The following NCOR2 variants were observed in gnomAD, a reference collection of about 807,000 sequenced individuals.
NCOR2 encodes the protein CTG repeat protein 26.
Under a neutral mutation model 262.9 loss-of-function variants are expected in NCOR2, and 81 were observed. The observed-to-expected ratio is 0.31, with a 90% CI of 0.26 to 0.37. The LOEUF is 0.37. NCOR2 is among the 10% of genes least tolerant of loss of function. NCOR2 has a pLI of 1.00. For synonymous variants in NCOR2, 1,659 were observed against 1,559.3 expected (o/e 1.06, Z -1.51); for missense variants, 3,385 against 3,621.4 (o/e 0.93, Z 1.68).
intron 45 of NCOR2, among the ~76,000 whole-genome samples, chr12:124,326,595 C>T (rs2034671074): frequency 6.6e-6 from 1 of 152,168 alleles, no homozygotes; most frequent in African/African-American, 2.4e-5. Flanking sequence ...TTCTGCTGGG[C>T]AGGGGGAGGT....
At chr12:124,370,916 C>T (rs1455725755) in intron 20 of NCOR2, among the ~76,000 whole-genome samples, 1 of 152,152 alleles carries the variant, frequency 6.6e-6, no homozygotes, top group African/African-American at 2.4e-5. Context: ...CACCTGTGAT[C>T]CTGAGCCCTG....
chr12:124,483,642 G>T lies in NCOR2; in HGVS notation c.365C>A (p.Pro122His). Residue 122 changes from proline (P) to histidine (H), a missense_variant, in exon 3 of 47, where the codon CCC (proline) becomes CAC (histidine). By Grantham distance (77) the Pro-to-His change is moderately conservative. Transcript: ENST00000405201. The surrounding 1 kb of genome is among the most constrained non-coding windows in gnomAD (Gnocchi z 6.3). ...CGCAGGCTGGCCCGTGGCCAGCAGG[G>T]GTGACGGTCGCAGCAGGGGGTCAGG... is the stretch of plus-strand genomic sequence containing the variant. The T allele has an allele frequency of 6.2e-7, 1 of 1,611,072 alleles. No individual in the cohort carries two copies. The highest frequency in any genetic ancestry group is 8.5e-7 in the Non-Finnish European group (1 of 1,178,894).
intron 6 of NCOR2, 32 bp from the exon 9 acceptor site, chr12:124,449,899 C>T: frequency 6.2e-7 from 1 of 1,609,478 alleles, no homozygotes; most frequent in Non-Finnish European, 8.5e-7. Flanking sequence ...CACATCAGAG[C>T]CTGGCTGGCC....
At position 124,340,457 on chromosome 12, in the gene NCOR2, A is replaced by G. The variant is rs1200237267; in HGVS notation, c.5339-14T>C. On this transcript the variant is annotated splice_polypyrimidine_tract_variant and intron_variant, in intron 35 of 46. Coordinates refer to ENST00000405201, the Ensembl canonical transcript of NCOR2. ...GTGTTGGACCTCCTAGGAAACCCAA[A>G]GGCCAGAGACTCAGCCCCAGGGCCG... is the stretch of plus-strand genomic sequence containing the variant. The G allele has an allele frequency of 5.0e-6, 8 of 1,610,432 alleles. No individual in the cohort carries two copies. In the Admixed American group the frequency reaches 1.0e-4, roughly 20 times the overall value.
In NCOR2 at chr12:124,468,839, C is replaced by CT. The variant is rs375493269; in HGVS notation, c.592-2554_592-2553insA. On this transcript the variant is annotated intron_variant, in intron 4 of 46. Transcript: ENST00000405201. ...CCCCATCATCCTCATCCTCATCACC[C>CT]CATCATCCTCATCCTCATCACCCCA... is the stretch of plus-strand genomic sequence containing the variant. Among the ~76,000 whole-genome samples, 98 of 19,928 alleles carry CT rather than the reference C, an allele frequency of 4.9e-3. 6 individuals are homozygous for CT. The highest frequency in any genetic ancestry group is 0.016 in the African/African-American group (91 of 5,600). The allele number at this position is 19,928 out of a possible 152,430, so 13.1% of individuals were successfully genotyped here.
At chr12:124,337,106 G>A (rs1204041058) in exon 38 of NCOR2, 4 of 1,507,976 alleles carry the variant, frequency 2.7e-6, no homozygotes, top group Non-Finnish European at 3.6e-6. Flanking sequence ...CCCATCGAGG[G>A]TGCCGCCCAG....
At position 124,359,791 on chromosome 12, in the gene NCOR2, C is replaced by T. The variant is rs369035072; in HGVS notation, c.3100+2335G>A. On this transcript the variant is annotated intron_variant, in intron 22 of 46. Coordinates refer to ENST00000405201, the Ensembl canonical transcript of NCOR2. ...TTCCTCCAGTTGGGCCCAGGGGGCC[C>T]CGAGGGACCTGCTTGGCTGAGCCGC... 5.3e-5 allele frequency among the ~76,000 whole-genome samples: 8 copies of T among 152,346 alleles called. No homozygotes were observed. In the South Asian group the frequency reaches 1.7e-3, roughly 32 times the overall value.
At chr12:124,436,041 T>TTACGCACGACCTGTCCC (rs1376090324) in intron 8 of NCOR2, among the ~76,000 whole-genome samples, 113 of 152,372 alleles carry the variant, frequency 7.4e-4, no homozygotes, top group African/African-American at 2.5e-3. Context: ...CTCCTCGTCC[T>TTACGCACGACCTGTCCC]TACGCACGAC....
intron 46 of NCOR2, 161 bp downstream of exon 48, chr12:124,326,030 G>T: frequency 3.9e-6 from 3 of 768,230 alleles, no homozygotes; most frequent in Non-Finnish European, 5.6e-6. Flanking sequence ...TGGTTCGTGA[G>T]CCAGGCTCAG....
At chr12:124,325,377 G>GCCGGGGGGCC in exon 47 of NCOR2, 1 of 246,788 alleles carries the variant, frequency 4.1e-6, no homozygotes. Context: ...ACCTGACACC[G>GCCGGGGGGCC]CCCCCCCCCC....
exon 32 of NCOR2, chr12:124,344,853 G>C (rs560814961): frequency 1.0e-5 from 16 of 1,571,480 alleles, no homozygotes; most frequent in African/African-American, 1.3e-5. Flanking sequence ...GCGGGTGCAC[G>C]GGTGGGAACG....
At position 124,443,892 on chromosome 12, in the gene NCOR2, C is replaced by T. The variant is rs12582041; in HGVS notation, c.816-5896G>A. The stretch of plus-strand genomic sequence containing the variant: ...AACCTAAAGCTTCTCTTGAAAACAT[C>T]AGGCCATCGGGCCACACCCCTTCAT... On this transcript the variant is annotated intron_variant, in intron 7 of 46. Coordinates refer to ENST00000405201, the Ensembl canonical transcript of NCOR2. The surrounding 1 kb of genome is among the most constrained non-coding windows in gnomAD (Gnocchi z 4.4). Among the ~76,000 whole-genome samples, 712 of 152,256 alleles carry T rather than the reference C, an allele frequency of 4.7e-3. 23 individuals carry two copies. The East Asian group carries it at 0.08, about 17-fold the overall frequency.
chr12:124,458,317 G>C (rs1423693974), intron 5 of NCOR2, among the ~76,000 whole-genome samples: 2 of 152,232 alleles, frequency 1.3e-5, no homozygotes, highest in Non-Finnish European at 2.9e-5. Flanking sequence ...GGCTGCAGCA[G>C]AGAGAGGAGG....
chr12:124,402,340 G>A, intron 14 of NCOR2, 64 bp downstream of exon 16: 1 of 1,601,622 alleles, frequency 6.2e-7, no homozygotes, highest in Middle Eastern at 1.8e-4. Context: ...GGGTCCCCCA[G>A]AACCGTGTGC....
exon 45 of NCOR2, chr12:124,327,450 G>T: frequency 6.2e-7 from 1 of 1,612,846 alleles, no homozygotes; most frequent in Non-Finnish European, 8.5e-7. Context: ...GTCAGCAGCG[G>T]TTATGGGCAT....
chr12:124,340,513 G>A, intron 35 of NCOR2, 70 bp from the exon 38 acceptor site: 2 of 1,573,232 alleles, frequency 1.3e-6, no homozygotes, highest in Admixed American at 1.8e-5. Flanking sequence ...TTCTGGGGTG[G>A]GAAAGAGAGC....
At chr12:124,343,519 A>G (rs1451019283) in intron 32 of NCOR2, among the ~76,000 whole-genome samples, 1 of 152,262 alleles carries the variant, frequency 6.6e-6, no homozygotes, top group Non-Finnish European at 1.5e-5. Flanking sequence ...TGAACGAAAC[A>G]GAAATCCCAG....
chr12:124,423,708 G>A (rs965319202), intron 11 of NCOR2, among the ~76,000 whole-genome samples: 3 of 152,186 alleles, frequency 2.0e-5, no homozygotes, highest in Non-Finnish European at 2.9e-5. Flanking sequence ...AGGCACAGTG[G>A]GGGCTCCCAA....
intron 1 of NCOR2, among the ~76,000 whole-genome samples, chr12:124,502,032 C>T (rs1437059144): frequency 1.3e-5 from 2 of 152,206 alleles, no homozygotes; most frequent in African/African-American, 2.4e-5. Flanking sequence ...TACTTTCTGG[C>T]GTGCAGTAAA....
Sources: gnomAD v4.1 joint callset for allele counts (sites outside exome capture counted in the v4.1 genomes callset) on GRCh38, gnomAD v4.1.1 for gene constraint, Gnocchi (gnomAD v3.1) non-coding constraint, MANE v1.5 for transcripts, NCBI Gene and HGNC (gene_info 2026-07-23, HGNC 2026-07-21) for gene names.